Variants in HIBADH observed in about 807,000 individuals in gnomAD.
The protein encoded by HIBADH is 3-hydroxyisobutyrate dehydrogenase.
Under a neutral mutation model 36.1 loss-of-function variants are expected in HIBADH, and 25 were observed. The ratio of observed to expected loss-of-function variants is 0.69; its 90% CI spans 0.50 to 0.97. HIBADH has a LOEUF of 0.97. Ranked by LOEUF, HIBADH falls within the 50% of genes least tolerant of loss-of-function variation. The pLI is 0.00. For synonymous variants in HIBADH, 160 were observed against 149.5 expected (o/e 1.07, Z -0.51); for missense variants, 421 against 418.0 (o/e 1.01, Z -0.06).
chr7:27,610,215 A>T (rs1785301018), intron 4 of HIBADH, among the ~76,000 whole-genome samples: 1 of 152,202 alleles, frequency 6.6e-6, no homozygotes, highest in Non-Finnish European at 1.5e-5. Flanking sequence ...AATCATTTTT[A>T]AAAATTTTCT....
rs1786180606 is a variant in HIBADH at position 27,650,952 on chromosome 7, C to A, written c.92-1319G>T. On this transcript the variant is annotated intron_variant, in intron 1 of 7. Coordinates refer to ENST00000265395, the MANE Select transcript of HIBADH (RefSeq NM_152740.4). ...TACTATGACAGAGCTCAGAGACAGACACAAGCAACGTATGGTCCCTGTCCT... is the reference window on the plus strand; with the variant it reads ...TACTATGACAGAGCTCAGAGACAGAAACAAGCAACGTATGGTCCCTGTCCT... 2.0e-5 allele frequency among the ~76,000 whole-genome samples: 3 copies of A among 152,232 alleles called. No homozygotes were observed. The South Asian group carries it at 6.2e-4, about 32-fold the overall frequency.
chr7:27,654,295 G>A (rs941626503), intron 1 of HIBADH, among the ~76,000 whole-genome samples: 1 of 152,144 alleles, frequency 6.6e-6, no homozygotes, highest in East Asian at 1.9e-4. Flanking sequence ...AATGAGAAGA[G>A]AGAAGTGGGG....
At chr7:27,587,285 G>C (rs960597586) in intron 4 of HIBADH, among the ~76,000 whole-genome samples, 1 of 152,176 alleles carries the variant, frequency 6.6e-6, no homozygotes, top group Non-Finnish European at 1.5e-5. Context: ...AAAGAGCTGA[G>C]AGGAAAATTA....
intron 4 of HIBADH, among the ~76,000 whole-genome samples, chr7:27,545,090 T>C (rs1382904255): frequency 6.6e-6 from 1 of 152,198 alleles, no homozygotes; most frequent in Non-Finnish European, 1.5e-5. Context: ...CCAAATCTTA[T>C]CTTCTCATAC....
chr7:27,634,091 A>T (rs1785795035), intron 2 of HIBADH, among the ~76,000 whole-genome samples: 1 of 152,228 alleles, frequency 6.6e-6, no homozygotes, highest in African/African-American at 2.4e-5. Flanking sequence ...TAGCTTTAAC[A>T]AAAAGCAGTT....
rs397957438 is a variant in HIBADH, at chr7:27,563,916, T to TTG, written c.485-20817_485-20816insCA. On this transcript the variant is annotated intron_variant, in intron 4 of 7. Coordinates refer to ENST00000265395, the MANE Select transcript of HIBADH (RefSeq NM_152740.4). ...GTTAATTTTCTTTTTTTTTTTTTTT[T>TTG]GAGATGGAGTCTGGCTCTGTCGCCC... Among the ~76,000 whole-genome samples, 16 of 150,720 alleles carry TTG rather than the reference T, an allele frequency of 1.1e-4. No individual in the cohort carries two copies. The East Asian group carries it at 2.7e-3, about 26-fold the overall frequency.
At chr7:27,539,236 T>C (rs1053536329) in intron 5 of HIBADH, among the ~76,000 whole-genome samples, 1 of 152,124 alleles carries the variant, frequency 6.6e-6, no homozygotes, top group East Asian at 1.9e-4. Context: ...CAGAGACTAT[T>C]AGGCCCCCTG....
intron 2 of HIBADH, among the ~76,000 whole-genome samples, chr7:27,641,448 G>A (rs777606425): frequency 3.9e-5 from 6 of 152,146 alleles, no homozygotes; most frequent in Non-Finnish European, 8.8e-5. Flanking sequence ...TCAAATATAC[G>A]CTGAATTTTT....
rs1296441054 is a variant in HIBADH at position 27,555,415 on chromosome 7, C to T, written c.485-12315G>A. ...ATACAACCCACCTCCTGACTACATA[C>T]AACTTGTTTCAGTAGAACACTGAGT... On this transcript the variant is annotated intron_variant, in intron 4 of 7. Transcript: ENST00000265395. 3.3e-5 allele frequency among the ~76,000 whole-genome samples: 5 copies of T among 149,502 alleles called. No individual in the cohort carries two copies. In the East Asian group the frequency reaches 1.0e-3, roughly 30 times the overall value.
intron 2 of HIBADH, among the ~76,000 whole-genome samples, chr7:27,635,995 G>A (rs1427769305): frequency 6.6e-6 from 1 of 152,184 alleles, no homozygotes; most frequent in Non-Finnish European, 1.5e-5. Flanking sequence ...AATGGTGGGT[G>A]TGTAATATAA....
chr7:27,618,674 A>C (rs1366862259), intron 4 of HIBADH, among the ~76,000 whole-genome samples: 2 of 141,020 alleles, frequency 1.4e-5, no homozygotes, highest in African/African-American at 5.4e-5. Context: ...GAAATACCTG[A>C]GGCTGGGTAT....
intron 1 of HIBADH, among the ~76,000 whole-genome samples, chr7:27,660,130 A>C (rs1439049149): frequency 6.6e-6 from 1 of 152,226 alleles, no homozygotes; most frequent in Non-Finnish European, 1.5e-5. Context: ...TTTAAACAGT[A>C]AATTATATAG....
chr7:27,579,989 T>TTCA, intron 4 of HIBADH, among the ~76,000 whole-genome samples: 1 of 149,208 alleles, frequency 6.7e-6, no homozygotes, highest in Admixed American at 6.9e-5. Context: ...CTGCATGTAT[T>TTCA]TCAAAATACA....
At chr7:27,598,773 A>C (rs547550486) in intron 4 of HIBADH, among the ~76,000 whole-genome samples, 13 of 152,286 alleles carry the variant, frequency 8.5e-5, no homozygotes, top group African/African-American at 3.1e-4. Context: ...TTGCAGACCT[A>C]GACAGGAATT....
chr7:27,605,586 CAAAAAAAAAAAAAA>C (rs70994666), intron 4 of HIBADH, among the ~76,000 whole-genome samples: 8 of 33,592 alleles, frequency 2.4e-4, no homozygotes, highest in East Asian at 4.7e-3. Flanking sequence ...TTTAGACAAG[CAAAAAAAAAAAAAA>C]AAAAAAAAAA....
rs549972054 is a variant in HIBADH at position 27,627,727 on chromosome 7, T to C, written c.484+1644A>G. Among the ~76,000 whole-genome samples the C allele has an allele frequency of 1.2e-3, 177 of 152,296 alleles. 1 individual carries two copies. The highest frequency in any genetic ancestry group is 3.8e-3 in the African/African-American group (156 of 41,574). ...TATATACTGGTTAACCTCATAATGA[T>C]CATGTGTCAACCAATAAATTACCAC... is the stretch of plus-strand genomic sequence containing the variant. On this transcript the variant is annotated intron_variant, in intron 4 of 7. Transcript: ENST00000265395.
chr7:27,542,828 A>C (rs988627328), intron 5 of HIBADH, 139 bp downstream of exon 5: 1 of 996,102 alleles, frequency 1.0e-6, no homozygotes, highest in Admixed American at 2.9e-5. Context: ...AAACTAATTT[A>C]TTCCAAATAA....
intron 4 of HIBADH, among the ~76,000 whole-genome samples, chr7:27,548,260 C>T (rs1443097141): frequency 1.3e-5 from 2 of 151,454 alleles, no homozygotes; most frequent in African/African-American, 4.9e-5. Flanking sequence ...TTCCCTTCCA[C>T]ACCTACTTAT....
At chr7:27,569,604 C>T (rs940375312) in intron 4 of HIBADH, among the ~76,000 whole-genome samples, 3 of 151,908 alleles carry the variant, frequency 2.0e-5, no homozygotes, top group Admixed American at 6.6e-5. Context: ...TAACATCATG[C>T]GGTCCCTTTA....
Sources: allele counts gnomAD v4.1 joint callset (sites outside exome capture counted in the v4.1 genomes callset), GRCh38; gene constraint gnomAD v4.1.1; transcripts MANE v1.5; gene names NCBI Gene and HGNC (gene_info 2026-07-23, HGNC 2026-07-21).